Variants in DIP2C observed in about 807,000 individuals in gnomAD.
DIP2C encodes the protein disco-interacting protein 2 homolog C.
DIP2C carries 33 observed loss-of-function variants against 192.4 expected under a neutral mutation model. The ratio of observed to expected loss-of-function variants is 0.17; its 90% confidence interval spans 0.13 to 0.23. The LOEUF is 0.23. Among genes scored for constraint, DIP2C ranks in the 10% least tolerant of loss-of-function variants. DIP2C has a pLI of 1.00. For missense variants in DIP2C, 1,537 were observed against 2,110.1 expected (o/e 0.73, Z 5.32); for synonymous variants, 979 against 864.1 (o/e 1.13, Z -2.33).
intron 23 of DIP2C, among the ~76,000 whole-genome samples, chr10:356,746 G>A (rs1376192957): frequency 2.6e-5 from 4 of 152,210 alleles, no homozygotes; most frequent in Non-Finnish European, 4.4e-5. Flanking sequence ...CACAGCACCC[G>A]AGTCAGGGTC....
chr10:552,958 TCAG>T (rs1848658716), intron 1 of DIP2C, among the ~76,000 whole-genome samples: 1 of 152,246 alleles, frequency 6.6e-6, no homozygotes, highest in African/African-American at 2.4e-5. Context: ...GAGCCTTTGC[TCAG>T]CAGATGAGGG....
rs1379080945 is a variant in DIP2C, at chr10:315,384, A to G, written c.3925-5292T>C. Among the ~76,000 whole-genome samples the G allele has an allele frequency of 2.6e-5, 4 of 152,138 alleles. No individual in the cohort carries two copies. The East Asian group carries it at 5.8e-4, about 22-fold the overall frequency. On this transcript the variant is annotated intron_variant, in intron 31 of 36. Transcript: ENST00000280886. ...TATCATTTATTTTCATCCTTGAGAC[A>G]TTCTTACTATTTCTTGTGACACGTA...
chr10:681,529 G>A (rs1338177349), intron 1 of DIP2C, among the ~76,000 whole-genome samples: 3 of 151,020 alleles, frequency 2.0e-5, no homozygotes, highest in Admixed American at 2.0e-4. Context: ...TCCAGGGAAT[G>A]CAGCCCCTCA....
intron 3 of DIP2C, among the ~76,000 whole-genome samples, chr10:449,782 T>TAAAAA (rs59436219): frequency 1.0e-4 from 13 of 127,248 alleles, no homozygotes; most frequent in African/African-American, 3.7e-4. Context: ...AAAGTATAAT[T>TAAAAA]AAAAAAAAAA....
chr10:550,553 A>T (rs1338158843), intron 1 of DIP2C, among the ~76,000 whole-genome samples: 1 of 152,114 alleles, frequency 6.6e-6, no homozygotes, highest in Non-Finnish European at 1.5e-5. Context: ...TCTCCCATTT[A>T]AAAATGTCAG....
At chr10:468,515 C>T (rs1251536005) in intron 3 of DIP2C, among the ~76,000 whole-genome samples, 3 of 152,162 alleles carry the variant, frequency 2.0e-5, no homozygotes, top group South Asian at 2.1e-4. Context: ...AATCCCAGCA[C>T]GTTGGGAGGC....
At chr10:642,109 T>A (rs1393498038) in intron 1 of DIP2C, among the ~76,000 whole-genome samples, 1 of 152,252 alleles carries the variant, frequency 6.6e-6, no homozygotes, top group African/African-American at 2.4e-5. Context: ...CCAGATATGA[T>A]GAAGGAAATT....
chr10:389,803 C>T (rs1322045331), intron 13 of DIP2C, among the ~76,000 whole-genome samples, 188 bp downstream of exon 13: 2 of 152,260 alleles, frequency 1.3e-5, no homozygotes, highest in Non-Finnish European at 2.9e-5. Flanking sequence ...GCTGTTGAAG[C>T]CGCCCAGTCT....
At chr10:552,429 G>A (rs141626879) in intron 1 of DIP2C, among the ~76,000 whole-genome samples, 4 of 152,304 alleles carry the variant, frequency 2.6e-5, no homozygotes, top group Admixed American at 1.3e-4. Context: ...AACAGAGAGG[G>A]AAATTTCTTC....
chr10:602,296 G>A (rs546812780), intron 1 of DIP2C, among the ~76,000 whole-genome samples: 74 of 152,312 alleles, frequency 4.9e-4, no homozygotes, highest in African/African-American at 1.7e-3. Context: ...ACAGGCACCT[G>A]TGTCTTCCTC....
At chr10:475,506 C>T (rs1970987407) in intron 2 of DIP2C, among the ~76,000 whole-genome samples, 1 of 152,154 alleles carries the variant, frequency 6.6e-6, no homozygotes, top group Admixed American at 6.6e-5. Flanking sequence ...TCTTGGTGCC[C>T]ATGGACGATG....
intron 5 of DIP2C, among the ~76,000 whole-genome samples, 176 bp downstream of exon 5, chr10:422,648 G>A (rs1213121368): frequency 6.6e-6 from 1 of 152,198 alleles, no homozygotes; most frequent in East Asian, 1.9e-4. Context: ...GAGGGACCTG[G>A]GCATGAGAAG....
At chr10:662,309 A>G (rs1473185919) in intron 1 of DIP2C, among the ~76,000 whole-genome samples, 4 of 152,222 alleles carry the variant, frequency 2.6e-5, no homozygotes, top group Non-Finnish European at 5.9e-5. Flanking sequence ...CTTGGAGAAC[A>G]CTTGCTTGAT....
At chr10:286,400 T>C in intron 33 of DIP2C, 53 bp from the exon 34 acceptor site, 2 of 1,524,314 alleles carry the variant, frequency 1.3e-6, no homozygotes, top group East Asian at 2.3e-5. Flanking sequence ...AGGGAGAGAC[T>C]ACACACAAGC....
intron 24 of DIP2C, among the ~76,000 whole-genome samples, chr10:353,802 C>G (rs1259515840): frequency 6.6e-6 from 1 of 152,184 alleles, no homozygotes; most frequent in Admixed American, 6.5e-5. Flanking sequence ...GCTGAACGGA[C>G]ACTTATGGTG....
intron 1 of DIP2C, among the ~76,000 whole-genome samples, chr10:512,055 C>CGG (rs936120254): frequency 6.6e-6 from 1 of 152,176 alleles, no homozygotes; most frequent in African/African-American, 2.4e-5. Context: ...CACAGACGGC[C>CGG]GTTCCCAGTG....
intron 29 of DIP2C, among the ~76,000 whole-genome samples, chr10:333,442 C>CT (rs1957590248): frequency 6.6e-6 from 1 of 152,190 alleles, no homozygotes; most frequent in Non-Finnish European, 1.5e-5. Context: ...TGGACACTGC[C>CT]TACCACACAG....
At chr10:685,916 A>G (rs540724593) in intron 1 of DIP2C, among the ~76,000 whole-genome samples, 438 of 151,470 alleles carry the variant, frequency 2.9e-3, no homozygotes, top group Non-Finnish European at 5.2e-3. Flanking sequence ...AGTTGAGCTC[A>G]TACCACTGCA....
intron 2 of DIP2C, among the ~76,000 whole-genome samples, chr10:475,858 C>T (rs1408071829): frequency 6.6e-6 from 1 of 152,172 alleles, no homozygotes; most frequent in Non-Finnish European, 1.5e-5. Context: ...GCACAGGGCC[C>T]AGGGGCAGCA....
Sources: gnomAD v4.1 joint callset for allele counts (sites outside exome capture counted in the v4.1 genomes callset) on GRCh38, gnomAD v4.1.1 for gene constraint, MANE v1.5 for transcripts, NCBI Gene and HGNC (gene_info 2026-07-23, HGNC 2026-07-21) for gene names.